PHLDB3: variants seen among roughly 807,000 people sequenced by gnomAD.
PHLDB3 encodes pleckstrin homology-like domain family B member 3.
Under a neutral mutation model 85.7 loss-of-function variants are expected in PHLDB3, and 86 were observed. That is an observed-to-expected ratio of 1.00 (90% CI 0.84 to 1.20). PHLDB3 has a LOEUF of 1.20. Ranked by LOEUF, PHLDB3 falls within the 50% of genes most tolerant of loss-of-function variation. The pLI is 0.00. For missense variants in PHLDB3, 995 were observed against 873.0 expected (o/e 1.14, Z -1.76); for synonymous variants, 376 against 349.8 (o/e 1.07, Z -0.83).
intron 6 of PHLDB3, 89 bp from the exon 7 acceptor site, chr19:43,495,709 A>C: frequency 4.7e-6 from 7 of 1,480,140 alleles, no homozygotes. Context: ...GCTGGGGTTT[A>C]CTCCAGCCAC....
intron 15 of PHLDB3, 70 bp downstream of exon 15, chr19:43,477,977 G>C (rs1355964323): frequency 7.8e-7 from 1 of 1,288,450 alleles, no homozygotes; most frequent in Admixed American, 1.9e-5. Flanking sequence ...GGATGAGCCA[G>C]GGATGAGATA....
At chr19:43,491,808 G>A in intron 9 of PHLDB3, among the ~76,000 whole-genome samples, 1 of 150,426 alleles carries the variant, frequency 6.6e-6, no homozygotes, top group East Asian at 1.9e-4. Flanking sequence ...CTGGGACTAG[G>A]CTAATTTGTT....
chr19:43,483,798 C>T (rs2599440), intron 13 of PHLDB3, among the ~76,000 whole-genome samples: 110,002 of 152,080 alleles, frequency 0.72, 40,471 homozygotes, highest in African/African-American at 0.87. Flanking sequence ...AAATGCATAG[C>T]GTGTGCTTTG....
chr19:43,490,376 T>C (rs1418956318), intron 9 of PHLDB3, among the ~76,000 whole-genome samples: 1 of 151,702 alleles, frequency 6.6e-6, no homozygotes, highest in African/African-American at 2.4e-5. Context: ...ACTGGGGCAA[T>C]ATAGTGAGAC....
rs749186582 is a variant in PHLDB3, at chr19:43,475,510, G to C, written c.1823C>G (p.Thr608Ser). ...PNPRLTFCVK[T>S]YERLFYMVAP... is the part of the protein sequence containing the mutation. Reference sequence around the variant, plus strand: ...CACCATGTAGAAAAGGCGTTCGTAGGTTTTGACGCAGAAGGTCAGGCGGGG... The same window carrying C: ...CACCATGTAGAAAAGGCGTTCGTAGCTTTTGACGCAGAAGGTCAGGCGGGG... Residue 608 changes from threonine (T) to serine (S), a missense_variant, in exon 16 of 16, where the codon ACC (threonine) becomes AGC (serine). Coordinates refer to ENST00000292140, the MANE Select transcript of PHLDB3 (RefSeq NM_198850.4). The C allele has an allele frequency of 1.2e-6, 2 of 1,613,998 alleles. No homozygotes were observed. Among genetic ancestry groups the C allele is most frequent in the Non-Finnish European group, 1.7e-6 (2 of 1,179,900 alleles).
rs1568486554 is a variant in PHLDB3 at position 43,502,299 on chromosome 19, G to A, written c.214-16C>T. ...TAGCCTCGGGCTGAAGTTGAGGGGG[G>A]CGTGGTTAAGTGGAGATGCCTCGCC... is the stretch of plus-strand genomic sequence containing the variant. On this transcript the variant is annotated splice_polypyrimidine_tract_variant and intron_variant, in intron 2 of 15. Transcript: ENST00000292140. 1 of 1,543,534 alleles carries A rather than the reference G, an allele frequency of 6.5e-7. No homozygotes were observed. The highest frequency in any genetic ancestry group is 8.7e-7 in the Non-Finnish European group (1 of 1,149,410).
intron 13 of PHLDB3, among the ~76,000 whole-genome samples, chr19:43,481,559 G>A (rs8111567): frequency 0.17 from 26,126 of 151,808 alleles, 2,347 homozygotes; most frequent in Non-Finnish European, 0.19. Context: ...TGGAGGTTGC[G>A]GTGAATCAAG....
At position 43,487,026 on chromosome 19, in the gene PHLDB3, G is replaced by C; in HGVS notation, c.1247C>G (p.Thr416Ser). The change falls in exon 10 of 16, where the codon ACT becomes AGT. Residue 416 changes from threonine to serine, a missense_variant and splice_region_variant. Transcript: ENST00000292140. ...GSPRPLSFHC[T>S]ESLEASALPP... ...GTGGGGAACAGGGGGATCCTCACCA[G>C]TACAATGGAAGGACAGAGGTCGGGG... 6.4e-7 allele frequency: 1 copy of C among 1,563,476 alleles called. No individual in the cohort carries two copies. The highest frequency in any genetic ancestry group is 1.2e-5 in the South Asian group (1 of 82,682).
At chr19:43,486,943 C>T in intron 10 of PHLDB3, 73 bp from the exon 11 acceptor site, 1 of 1,477,666 alleles carries the variant, frequency 6.8e-7, no homozygotes, top group South Asian at 1.4e-5. Flanking sequence ...CCCCTGCAGG[C>T]ATAGGTGCGG....
chr19:43,486,102 T>G, intron 13 of PHLDB3, 164 bp downstream of exon 13: 1 of 985,412 alleles, frequency 1.0e-6, no homozygotes, highest in Non-Finnish European at 1.2e-6. Context: ...CATCCGGTCA[T>G]GGGAACAGGA....
chr19:43,492,777 A>G (rs1448559429), intron 9 of PHLDB3, among the ~76,000 whole-genome samples: 1 of 152,210 alleles, frequency 6.6e-6, no homozygotes, highest in African/African-American at 2.4e-5. Flanking sequence ...CCTAGCTCAC[A>G]GATTTGTTGC....
chr19:43,485,842 C>T (rs992232181), intron 13 of PHLDB3: 19 of 596,682 alleles, frequency 3.2e-5, no homozygotes, highest in Non-Finnish European at 4.0e-5. Context: ...AGCCACTGCA[C>T]CCAGCCAAAA....
At chr19:43,495,750 G>T in intron 6 of PHLDB3, 130 bp from the exon 7 acceptor site, 1 of 1,347,250 alleles carries the variant, frequency 7.4e-7, no homozygotes, top group Non-Finnish European at 9.8e-7. Context: ...GAGTGTCCAG[G>T]GCTGGGGACC....
chr19:43,501,819 G>GC lies in PHLDB3; in HGVS notation c.448dup (p.Ala150GlyfsTer85), dbSNP rs764369331. ...CAGCTGCTCCTCCTCCCGGCGAGCGGCCACTCGCTCCCCAGCCAGCTCACC... is the reference window on the plus strand; with the variant it reads ...CAGCTGCTCCTCCTCCCGGCGAGCGGCCCACTCGCTCCCCAGCCAGCTCACC... On this transcript the variant is annotated frameshift_variant, in exon 4 of 16. Coordinates refer to ENST00000292140, the MANE Select transcript of PHLDB3 (RefSeq NM_198850.4). LOFTEE classifies it high-confidence loss of function. The GC allele has an allele frequency of 1.4e-5, 22 of 1,588,374 alleles. No individual in the cohort carries two copies. The highest frequency in any genetic ancestry group is 1.7e-5 in the Non-Finnish European group (20 of 1,168,578).
chr19:43,484,252 GAA>G (rs768129873), intron 13 of PHLDB3, among the ~76,000 whole-genome samples: 13 of 85,804 alleles, frequency 1.5e-4, no homozygotes, highest in African/African-American at 3.1e-4. Context: ...CTCCATCTTG[GAA>G]AAAAAAAAAA....
intron 9 of PHLDB3, among the ~76,000 whole-genome samples, chr19:43,494,241 C>T (rs1431172274): frequency 6.6e-6 from 1 of 152,098 alleles, no homozygotes; most frequent in Non-Finnish European, 1.5e-5. Flanking sequence ...AACTCCTGAC[C>T]TCAGGTCATC....
chr19:43,475,310 T>C lies in PHLDB3; in HGVS notation c.*100A>G, dbSNP rs1004553763. Reference sequence around the variant, plus strand: ...AATTCCCGGGAGAGTTCCAAAGCGGTGCGTCCAAGTTTTCCGGCAGTGGGC... The same window carrying C: ...AATTCCCGGGAGAGTTCCAAAGCGGCGCGTCCAAGTTTTCCGGCAGTGGGC... On this transcript the variant is annotated 3_prime_UTR_variant, in exon 16 of 16. Transcript: ENST00000292140. The C allele has an allele frequency of 1.8e-5, 27 of 1,466,632 alleles. No individual in the cohort carries two copies. The highest frequency in any genetic ancestry group is 2.3e-5 in the Non-Finnish European group (25 of 1,085,834). The allele number at this position is 1,466,632 out of a possible 1,614,324, so 90.9% of individuals were successfully genotyped here.
intron 15 of PHLDB3, 45 bp from the exon 16 acceptor site, chr19:43,475,589 G>C (rs773817883): frequency 1.2e-6 from 2 of 1,611,500 alleles, no homozygotes; most frequent in Non-Finnish European, 1.7e-6. Context: ...AAAGACACCG[G>C]CCACAGTCTG....
chr19:43,483,939 T>C (rs1307231852), intron 13 of PHLDB3, among the ~76,000 whole-genome samples: 4 of 152,072 alleles, frequency 2.6e-5, no homozygotes, highest in Non-Finnish European at 5.9e-5. Flanking sequence ...CTGGCCAACA[T>C]AGTGTCTCTA....
Sources: gnomAD v4.1 joint callset for allele counts (sites outside exome capture counted in the v4.1 genomes callset) on GRCh38, gnomAD v4.1.1 for gene constraint, MANE v1.5 for transcripts, NCBI Gene and HGNC (gene_info 2026-07-23, HGNC 2026-07-21) for gene names.